The following NEFH variants were observed in gnomAD, a reference collection of about 807,000 sequenced individuals.
The protein encoded by NEFH is neurofilament heavy chain.
Under a neutral mutation model 56.6 loss-of-function variants are expected in NEFH, and 58 were observed. The observed-to-expected ratio is 1.03, with a 90% CI of 0.83 to 1.28. The LOEUF is 1.28. Ranked by LOEUF, NEFH falls within the 50% of genes most tolerant of loss-of-function variation. The probability of loss-of-function intolerance (pLI) is 0.00; values close to 1 mark genes in which losing one functional copy is unlikely to be tolerated. For missense variants in NEFH, 1,221 were observed against 1,307.6 expected (o/e 0.93, Z 1.02); for synonymous variants, 542 against 545.8 (o/e 0.99, Z 0.10).
In NEFH at chr22:29,489,102, G is replaced by C. The variant is rs1341075872; in HGVS notation, c.1462G>C (p.Gly488Arg). 1.2e-6 allele frequency: 2 copies of C among 1,613,346 alleles called. No homozygotes were observed. Among genetic ancestry groups the C allele is most frequent in the Non-Finnish European group, 1.7e-6 (2 of 1,179,544 alleles). ...AGAGGAGGAGGGCAAGGAGGAAGAAGGGGGTGAAGAAGAGGAGGCAGAAGG... is the reference window on the plus strand; with the variant it reads ...AGAGGAGGAGGGCAAGGAGGAAGAACGGGGTGAAGAAGAGGAGGCAGAAGG... ...AKEEEGKEEE[G>R]GEEEEAEGGE... Residue 488 changes from glycine (G) to arginine (R), a missense_variant, in exon 4 of 4, where the codon GGG becomes CGG. Gly to Arg is a moderately radical substitution (Grantham distance 125). Coordinates refer to ENST00000310624, the MANE Select transcript of NEFH (RefSeq NM_021076.4).
rs1255419550 is a variant in NEFH, at chr22:29,481,051, G to T, written c.789G>T (p.Leu263=). 9.8e-6 allele frequency: 15 copies of T among 1,532,034 alleles called. No individual in the cohort carries two copies. In the East Asian group the frequency reaches 3.7e-4, roughly 38 times the overall value. 94.9% of individuals were successfully genotyped at this position (1,532,034 alleles called of 1,614,324 possible). Residue 263 remains leucine (L), a synonymous_variant, in exon 1 of 4, where the codon CTG becomes CTT. Transcript: ENST00000310624. Reference sequence around the variant, plus strand: ...TGCAGGCCGAGACGCGCGACGCCCTGAAGTGCGACGTGACGTCGGCGCTGC... The same window carrying T: ...TGCAGGCCGAGACGCGCGACGCCCTTAAGTGCGACGTGACGTCGGCGCTGC... ...AQMQAETRDA[L]KCDVTSALRE...
At chr22:29,481,426 A>T (rs577614144) in intron 1 of NEFH, among the ~76,000 whole-genome samples, 2 of 150,922 alleles carry the variant, frequency 1.3e-5, no homozygotes, top group South Asian at 4.2e-4. Context: ...AGCTTAGGCG[A>T]CCCCACTCTG....
chr22:29,483,625 C>T, intron 2 of NEFH, 51 bp downstream of exon 2: 1 of 1,586,672 alleles, frequency 6.3e-7, no homozygotes, highest in East Asian at 2.3e-5. Context: ...ATTGGGTAGC[C>T]CTGGACAAGT....
chr22:29,482,080 TC>T (rs576470749), intron 1 of NEFH, among the ~76,000 whole-genome samples: 69 of 152,354 alleles, frequency 4.5e-4, no homozygotes, highest in African/African-American at 1.7e-3. Context: ...GCATCTGTGA[TC>T]GACAATAGTT....
At position 29,480,490 on chromosome 22, in the gene NEFH, G is replaced by T. The variant is rs2062997229; in HGVS notation, c.228G>T (p.Ser76=). Residue 76 remains serine, a synonymous_variant, in exon 1 of 4, where the codon TCG becomes TCT. Coordinates refer to ENST00000310624, the MANE Select transcript of NEFH (RefSeq NM_021076.4). ...CAGGCGCCGCCTCAAGCACCGACTC[G>T]CTGGACACGCTGAGCAACGGGCCGG... ...RGAGAASSTD[S]LDTLSNGPEG... 4 of 1,533,796 alleles carry T rather than the reference G, an allele frequency of 2.6e-6. No individual in the cohort carries two copies. Among genetic ancestry groups the T allele is most frequent in the Non-Finnish European group, 3.5e-6 (4 of 1,146,540 alleles).
At chr22:29,483,827 T>TTTTTTTTATTTATTTA (rs1555950395) in intron 2 of NEFH, among the ~76,000 whole-genome samples, 1 of 136,466 alleles carries the variant, frequency 7.3e-6, no homozygotes, top group African/African-American at 2.8e-5. Flanking sequence ...AGAGATAGAC[T>TTTTTTTTATTTATTTA]TTTATTTATT....
At chr22:29,486,845 C>CT (rs1361153474) in intron 3 of NEFH, among the ~76,000 whole-genome samples, 1 of 152,308 alleles carries the variant, frequency 6.6e-6, no homozygotes, top group East Asian at 1.9e-4. Flanking sequence ...GAGTGACTTA[C>CT]TTTCATTCTG....
rs1048827690 is a variant in NEFH at position 29,480,927 on chromosome 22, C to G, written c.665C>G (p.Ala222Gly). 2.0e-6 allele frequency: 3 copies of G among 1,520,068 alleles called. No homozygotes were observed. Among genetic ancestry groups the G allele is most frequent in the East Asian group, 5.1e-5 (2 of 38,968 alleles). 94.2% of individuals were successfully genotyped at this position (1,520,068 alleles called of 1,614,324 possible). The change falls in exon 1 of 4, where the codon GCG becomes GGG. Residue 222 changes from alanine to glycine, a missense_variant. Physicochemically the swap from Ala to Gly is moderately conservative, Grantham distance 60. Around this residue, in one of 4 missense-constraint regions of NEFH, gnomAD observed 640 missense variants for 555.5 expected, o/e 1.15. Coordinates refer to ENST00000310624, the MANE Select transcript of NEFH (RefSeq NM_021076.4). Reference protein sequence around the residue: ...ARVDLQKKAQALQEECGYLRR... With the variant: ...ARVDLQKKAQGLQEECGYLRR... ...GTGGACCTGCAGAAGAAGGCGCAGG[C>G]GCTGCAGGAGGAGTGCGGCTACCTG...
intron 2 of NEFH, among the ~76,000 whole-genome samples, chr22:29,484,951 C>G (rs976824638): frequency 6.6e-6 from 1 of 152,140 alleles, no homozygotes; most frequent in East Asian, 1.9e-4. Context: ...CCTCCTCCCT[C>G]AGCTTCCTGA....
Position 29,490,997 on chromosome 22 carries a change from G to A in NEFH, c.*294G>A. ...ACGTAAACACTTGACTATAAAAACT[G>A]CCCCCCTCCTTTCCAAATAAGTGCA... On this transcript the variant is annotated 3_prime_UTR_variant, in exon 4 of 4. Coordinates refer to ENST00000310624, the MANE Select transcript of NEFH (RefSeq NM_021076.4). The A allele has an allele frequency of 2.0e-6, 1 of 499,342 alleles. No homozygotes were observed. The highest frequency in any genetic ancestry group is 3.6e-6 in the Non-Finnish European group (1 of 277,242). The allele number at this position is 499,342 out of a possible 1,614,324, so 30.9% of individuals were successfully genotyped here. A position where few individuals can be genotyped will look rare whatever the true frequency, so the allele number is the denominator to read the frequency against.
chr22:29,480,784 G>C lies in NEFH; in HGVS notation c.522G>C (p.Leu174=). ...AGCTACGCCTGGAGCAGGAGCACCT[G>C]CTCGAGGACATCGCGCACGTGCGCC... ...RGQLRLEQEH[L]LEDIAHVRQR... Residue 174 remains leucine, a synonymous_variant, in exon 1 of 4, where the codon CTG becomes CTC. Transcript: ENST00000310624. 1 of 1,427,806 alleles carries C rather than the reference G, an allele frequency of 7.0e-7. No homozygotes were observed. Among genetic ancestry groups the C allele is most frequent in the Non-Finnish European group, 9.1e-7 (1 of 1,101,802 alleles). The allele number at this position is 1,427,806 out of a possible 1,614,324, so 88.4% of individuals were successfully genotyped here.
intron 2 of NEFH, among the ~76,000 whole-genome samples, 156 bp from the exon 3 acceptor site, chr22:29,485,567 C>G (rs2063039384): frequency 1.3e-5 from 2 of 152,258 alleles, no homozygotes; most frequent in African/African-American, 2.4e-5. Flanking sequence ...TCCACGTCCA[C>G]TAATGAGGAC....
chr22:29,490,162 A>T lies in NEFH; in HGVS notation c.2522A>T (p.Lys841Met). 6.2e-7 allele frequency: 1 copy of T among 1,613,500 alleles called. No individual in the cohort carries two copies. The highest frequency in any genetic ancestry group is 2.2e-5 in the East Asian group (1 of 44,878). ...GTGAAAGTCAAAGAGCCCCCAAAGA[A>T]GGCAGAGGAAGAGAAAGCCCCTGCC... is the stretch of plus-strand genomic sequence containing the variant. ...QEVKVKEPPK[K>M]AEEEKAPATP... The change falls in exon 4 of 4, where the codon AAG becomes ATG. Residue 841 changes from lysine to methionine, a missense_variant. By Grantham distance (95) the Lys-to-Met change is moderately conservative (BLOSUM62 -1). This residue lies in a region of NEFH where 301 missense variants were observed against 346.6 expected (regional missense o/e 0.87). Coordinates refer to ENST00000310624, the MANE Select transcript of NEFH (RefSeq NM_021076.4).
intron 1 of NEFH, among the ~76,000 whole-genome samples, chr22:29,482,539 G>A (rs956909684): frequency 2.6e-5 from 4 of 152,230 alleles, no homozygotes; most frequent in Non-Finnish European, 5.9e-5. Flanking sequence ...CCCAGGCCAC[G>A]GGCTCTGCAC....
At chr22:29,486,042 A>G (rs749464872) in intron 3 of NEFH, among the ~76,000 whole-genome samples, 195 bp downstream of exon 3, 10 of 152,166 alleles carry the variant, frequency 6.6e-5, no homozygotes, top group Non-Finnish European at 1.3e-4. Context: ...ATTTTTTGAG[A>G]CAGACTTACT....
chr22:29,484,909 A>G (rs1212169501), intron 2 of NEFH, among the ~76,000 whole-genome samples: 2 of 151,842 alleles, frequency 1.3e-5, no homozygotes, highest in African/African-American at 2.4e-5. Flanking sequence ...ATCATAGCTC[A>G]CTAAAGTCTT....
chr22:29,488,701 C>T, intron 3 of NEFH, 148 bp from the exon 4 acceptor site: 2 of 773,032 alleles, frequency 2.6e-6, no homozygotes, highest in Non-Finnish European at 4.4e-6. Flanking sequence ...GTGACTTTCT[C>T]TAGTCTCATA....
Position 29,480,511 on chromosome 22 carries a change from G to A in NEFH, c.249G>A (p.Gly83=), listed in dbSNP as rs1215579464. ...ACTCGCTGGACACGCTGAGCAACGG[G>A]CCGGAGGGCTGCATGGTGGCGGTGG... ...STDSLDTLSN[G]PEGCMVAVAT... is the part of the protein sequence containing the mutation. The change falls in exon 1 of 4, where the codon GGG becomes GGA. Residue 83 remains glycine (G), a synonymous_variant. Coordinates refer to ENST00000310624, the MANE Select transcript of NEFH (RefSeq NM_021076.4). 8 of 1,534,898 alleles carry A rather than the reference G, an allele frequency of 5.2e-6. No homozygotes were observed. The Admixed American group carries it at 1.2e-4, about 23-fold the overall frequency.
At chr22:29,488,747 C>G (rs1039501899) in intron 3 of NEFH, 102 bp from the exon 4 acceptor site, 6 of 1,101,824 alleles carry the variant, frequency 5.4e-6, no homozygotes, top group South Asian at 1.3e-5. Context: ...CACCAAAACC[C>G]ATATCATTCG....
Sources: allele counts gnomAD v4.1 joint callset (sites outside exome capture counted in the v4.1 genomes callset), GRCh38; gene constraint gnomAD v4.1.1; regional missense constraint gnomAD v4.1.1; transcripts MANE v1.5; gene names NCBI Gene and HGNC (gene_info 2026-07-23, HGNC 2026-07-21).